FARS2: variants seen among roughly 807,000 people sequenced by gnomAD.
FARS2 encodes the protein phenylalanine--tRNA ligase, mitochondrial.
FARS2 carries 40 observed loss-of-function variants against 46.4 expected under a neutral mutation model. That is an observed-to-expected ratio of 0.86 (90% CI 0.67 to 1.12). The LOEUF is 1.12. Among genes scored for constraint, FARS2 ranks in the 50% most tolerant of loss-of-function variants. The probability of loss-of-function intolerance (pLI) is 0.00; values close to 1 mark genes in which losing one functional copy is unlikely to be tolerated. For missense variants in FARS2, 513 were observed against 567.9 expected, an observed-to-expected ratio of 0.90 and a Z score of 0.98; for synonymous variants, 234 against 214.9, an observed-to-expected ratio of 1.09 and a Z score of -0.78.
rs575960826 is a variant in FARS2 at position 5,765,956 on chromosome 6, A to G, written c.1218-5335A>G. On this transcript the variant is annotated intron_variant, in intron 6 of 6. Transcript: ENST00000274680. The surrounding 1 kb of genome is among the most constrained non-coding windows in gnomAD (Gnocchi z 4.0). ...AAACATTCTAAGATGCCTATACCAA[A>G]ATCTTTAAAAAAAATCAAACTCTAT... Among the ~76,000 whole-genome samples, 77 of 152,178 alleles carry G rather than the reference A, an allele frequency of 5.1e-4. No individual in the cohort carries two copies. Among genetic ancestry groups the G allele is most frequent in the Non-Finnish European group, 8.4e-4 (57 of 67,996 alleles).
chr6:5,359,012 T>A (rs562134293), intron 1 of FARS2, among the ~76,000 whole-genome samples: 1 of 148,306 alleles, frequency 6.7e-6, no homozygotes, highest in Non-Finnish European at 1.5e-5. Flanking sequence ...AATCGAATTA[T>A]AGTGATGAAA....
At chr6:5,280,070 C>G (rs897909714) in intron 1 of FARS2, among the ~76,000 whole-genome samples, 3 of 152,202 alleles carry the variant, frequency 2.0e-5, no homozygotes, top group African/African-American at 7.2e-5. Flanking sequence ...TTTTGGTCCT[C>G]TATCTATGAG....
intron 6 of FARS2, among the ~76,000 whole-genome samples, chr6:5,643,408 G>A (rs990716889): frequency 1.3e-5 from 2 of 152,162 alleles, no homozygotes; most frequent in Admixed American, 6.5e-5. Context: ...AATATAAGGA[G>A]AAAAACCTCA....
intron 5 of FARS2, among the ~76,000 whole-genome samples, chr6:5,550,548 G>C (rs1011604763): frequency 7.2e-5 from 11 of 152,198 alleles, no homozygotes; most frequent in African/African-American, 2.7e-4. Context: ...TTACAGGCAT[G>C]ATGAGCCACT....
intron 1 of FARS2, among the ~76,000 whole-genome samples, chr6:5,299,986 T>A (rs1025927005): frequency 1.3e-5 from 2 of 152,226 alleles, no homozygotes; most frequent in Admixed American, 1.3e-4. Flanking sequence ...TTGCCTTTTT[T>A]ATTTATATAT....
intron 6 of FARS2, among the ~76,000 whole-genome samples, chr6:5,745,442 G>A (rs890972203): frequency 2.0e-5 from 3 of 152,334 alleles, no homozygotes; most frequent in Admixed American, 6.5e-5. Context: ...TATATCTCTT[G>A]TAATTGATTC....
At chr6:5,272,192 G>A (rs934249728) in intron 1 of FARS2, among the ~76,000 whole-genome samples, 6 of 152,144 alleles carry the variant, frequency 3.9e-5, no homozygotes, top group South Asian at 4.1e-4. Context: ...CACGATTTTC[G>A]TTATGGATAG....
intron 5 of FARS2, among the ~76,000 whole-genome samples, chr6:5,587,475 G>A (rs9405852): frequency 0.82 from 124,299 of 152,142 alleles, 50,839 homozygotes; most frequent in East Asian, 0.86. Context: ...GAAAATCCAC[G>A]TTGCTCAACC....
At chr6:5,542,214 G>A (rs993825196) in intron 4 of FARS2, among the ~76,000 whole-genome samples, 4 of 152,112 alleles carry the variant, frequency 2.6e-5, no homozygotes, top group African/African-American at 7.2e-5. Flanking sequence ...TCCTGGGAAT[G>A]CAGCCCAGCA....
At chr6:5,515,126 T>C (rs1768709073) in intron 4 of FARS2, among the ~76,000 whole-genome samples, 2 of 152,104 alleles carry the variant, frequency 1.3e-5, no homozygotes, top group African/African-American at 2.4e-5. Context: ...TATGTGGCCA[T>C]AGGGAAATAA....
intron 6 of FARS2, among the ~76,000 whole-genome samples, chr6:5,642,149 T>C (rs1215078044): frequency 6.6e-6 from 1 of 152,206 alleles, no homozygotes; most frequent in Non-Finnish European, 1.5e-5. Flanking sequence ...TCTGTATGTG[T>C]GTGTGTATGT....
intron 4 of FARS2, among the ~76,000 whole-genome samples, chr6:5,454,547 T>C (rs1023183265): frequency 1.3e-5 from 2 of 152,226 alleles, no homozygotes; most frequent in East Asian, 3.9e-4. Context: ...GGTTTCACCG[T>C]GTTAGCCAGG....
At chr6:5,595,528 C>T (rs1031695139) in intron 5 of FARS2, among the ~76,000 whole-genome samples, 1 of 152,214 alleles carries the variant, frequency 6.6e-6, no homozygotes, top group Non-Finnish European at 1.5e-5. Flanking sequence ...GTTATTTCCA[C>T]TGTGCGCCAG....
chr6:5,330,832 G>A (rs1770748966), intron 1 of FARS2, among the ~76,000 whole-genome samples: 2 of 152,210 alleles, frequency 1.3e-5, no homozygotes, highest in African/African-American at 4.8e-5. Flanking sequence ...TTGGCTGGGT[G>A]GGGTGGGTCA....
At chr6:5,309,174 C>A (rs992343332) in intron 1 of FARS2, among the ~76,000 whole-genome samples, 4 of 152,110 alleles carry the variant, frequency 2.6e-5, no homozygotes, top group Non-Finnish European at 5.9e-5. Context: ...TTGTCTCTGC[C>A]TTTCAGATTT....
At chr6:5,414,838 C>T (rs1461729605) in intron 3 of FARS2, among the ~76,000 whole-genome samples, 1 of 105,212 alleles carries the variant, frequency 9.5e-6, no homozygotes, top group Admixed American at 1.4e-4. Flanking sequence ...TTTTTTGAGA[C>T]AGAGTCTCAC....
chr6:5,493,077 C>T (rs957433963), intron 4 of FARS2, among the ~76,000 whole-genome samples: 1 of 151,848 alleles, frequency 6.6e-6, no homozygotes, highest in African/African-American at 2.4e-5. Flanking sequence ...CGCTTATTGG[C>T]CGGTGCCTGT....
chr6:5,531,830 C>T lies in FARS2; in HGVS notation c.905-13350C>T, dbSNP rs73356394. On this transcript the variant is annotated intron_variant, in intron 4 of 6. Coordinates refer to ENST00000274680, the MANE Select transcript of FARS2 (RefSeq NM_006567.5). ...CATGCATGGTTGGAAGAGAAGAAAT[C>T]GGAATTTACCTAGCTGTGCTGACCT... Among the ~76,000 whole-genome samples the T allele has an allele frequency of 8.6e-3, 1,304 of 152,228 alleles. 17 individuals carry two copies. The highest frequency in any genetic ancestry group is 0.03 in the African/African-American group (1,227 of 41,526).
intron 4 of FARS2, among the ~76,000 whole-genome samples, chr6:5,534,041 T>A (rs948093754): frequency 1.6e-4 from 24 of 152,208 alleles, no homozygotes; most frequent in African/African-American, 5.3e-4. Flanking sequence ...TGGGAGGGAC[T>A]TGAGACACCC....
Sources: allele counts gnomAD v4.1 joint callset (sites outside exome capture counted in the v4.1 genomes callset), GRCh38; gene constraint gnomAD v4.1.1; non-coding constraint Gnocchi (gnomAD v3.1); transcripts MANE v1.5; gene names NCBI Gene and HGNC (gene_info 2026-07-23, HGNC 2026-07-21).